KDM4B: variants seen among roughly 807,000 people sequenced by gnomAD.
KDM4B encodes lysine-specific demethylase 4B.
Under a neutral mutation model 125.2 loss-of-function variants are expected in KDM4B, and 32 were observed. That is an observed-to-expected ratio of 0.26 (90% CI 0.19 to 0.34). The LOEUF (loss-of-function observed/expected upper bound fraction) is 0.34. Ranked by LOEUF, KDM4B falls within the 10% of genes least tolerant of loss-of-function variation. KDM4B has a pLI of 1.00. For missense variants in KDM4B, 1,190 were observed against 1,577.7 expected (o/e 0.75, Z 4.16); for synonymous variants, 721 against 677.9 (o/e 1.06, Z -0.99).
At position 5,135,535 on chromosome 19, in the gene KDM4B, G is replaced by A; in HGVS notation, c.2282G>A (p.Gly761Asp). The A allele has an allele frequency of 6.2e-7, 1 of 1,604,700 alleles. No homozygotes were observed. Among genetic ancestry groups the A allele is most frequent in the Middle Eastern group, 1.7e-4 (1 of 6,056 alleles). ...GGGACCAGCCCCCTGATCGCCTGCG[G>A]CAAGTGCTGCCTGCAGGTCCATGCC... ...DDGTSPLIAC[G>D]KCCLQVHASC... Residue 761 changes from glycine to aspartate, a missense_variant, in exon 15 of 23, where the codon GGC (glycine) becomes GAC (aspartate). Coordinates refer to ENST00000159111, the MANE Select transcript of KDM4B (RefSeq NM_015015.3).
intron 1 of KDM4B, among the ~76,000 whole-genome samples, chr19:4,996,556 A>G (rs1376978654): frequency 7.2e-6 from 1 of 139,340 alleles, no homozygotes; most frequent in East Asian, 2.0e-4. Flanking sequence ...TTTTTTTTTT[A>G]GTAGTGACGC....
chr19:5,047,109 CAG>C (rs2037049765), intron 5 of KDM4B: 1 of 172,300 alleles, frequency 5.8e-6, no homozygotes, highest in African/African-American at 2.4e-5. Flanking sequence ...GCCTGGGCAA[CAG>C]AGTGAGACTT....
Position 5,063,682 on chromosome 19 carries a change from T to C in KDM4B, c.627-7328T>C, listed in dbSNP as rs76589767. Among the ~76,000 whole-genome samples, 975 of 152,356 alleles carry C rather than the reference T, an allele frequency of 6.4e-3. 5 individuals are homozygous for C. The highest frequency in any genetic ancestry group is 0.015 in the South Asian group (71 of 4,830). ...AGGGACCGTGGCTCTCTGGTCCTTGTGTCCCCAGTGCGGTGAATAGGTCCT... is the reference window on the plus strand; with the variant it reads ...AGGGACCGTGGCTCTCTGGTCCTTGCGTCCCCAGTGCGGTGAATAGGTCCT... On this transcript the variant is annotated intron_variant, in intron 6 of 22. Coordinates refer to ENST00000159111, the MANE Select transcript of KDM4B (RefSeq NM_015015.3).
At chr19:5,135,690 G>A in intron 15 of KDM4B, 129 bp downstream of exon 15, 1 of 767,606 alleles carries the variant, frequency 1.3e-6, no homozygotes, top group South Asian at 1.8e-5. Context: ...CACTTTCAGG[G>A]CCAGGGCAGG....
intron 20 of KDM4B, 141 bp from the exon 21 acceptor site, chr19:5,144,642 C>A: frequency 1.6e-6 from 2 of 1,266,540 alleles, no homozygotes; most frequent in Non-Finnish European, 1.1e-6. Context: ...CTGCACCGCC[C>A]CGCTACCCCG....
chr19:5,022,675 T>C (rs768728950), intron 2 of KDM4B, among the ~76,000 whole-genome samples: 7 of 152,012 alleles, frequency 4.6e-5, no homozygotes, highest in Non-Finnish European at 7.4e-5. Context: ...CCTCTTGGAG[T>C]GCCGCCTCTG....
intron 6 of KDM4B, among the ~76,000 whole-genome samples, chr19:5,051,108 G>A (rs1160805171): frequency 2.0e-5 from 3 of 152,146 alleles, no homozygotes; most frequent in Non-Finnish European, 2.9e-5. Flanking sequence ...ACGAGGCTGA[G>A]CGCAGTGTCG....
intron 8 of KDM4B, among the ~76,000 whole-genome samples, chr19:5,079,886 A>T (rs929719084): frequency 6.6e-6 from 1 of 151,894 alleles, no homozygotes; most frequent in Non-Finnish European, 1.5e-5. Flanking sequence ...GTTTTTTTTT[A>T]AAAAGCCCCA....
intron 1 of KDM4B, among the ~76,000 whole-genome samples, chr19:4,993,594 TTATCTC>T (rs1030237541): frequency 6.6e-6 from 1 of 152,124 alleles, no homozygotes; most frequent in Non-Finnish European, 1.5e-5. Flanking sequence ...ATGTCCCTCT[TTATCTC>T]TAGTAACTTT....
chr19:5,065,217 C>T (rs974196974), intron 6 of KDM4B, among the ~76,000 whole-genome samples: 42 of 152,330 alleles, frequency 2.8e-4, no homozygotes, highest in African/African-American at 1.0e-3. Context: ...GGGCCCGCCT[C>T]AGGCTGGGGC....
chr19:4,988,264 C>T (rs1178255005), intron 1 of KDM4B, among the ~76,000 whole-genome samples: 1 of 152,176 alleles, frequency 6.6e-6, no homozygotes, highest in Non-Finnish European at 1.5e-5. Context: ...AACCAGCCTT[C>T]TCATGAACCC....
intron 11 of KDM4B, among the ~76,000 whole-genome samples, chr19:5,120,109 C>T (rs755303315): frequency 6.6e-5 from 10 of 152,192 alleles, no homozygotes; most frequent in Admixed American, 2.6e-4. Flanking sequence ...GTAATCCTAG[C>T]ACTTTGGGAG....
At chr19:4,989,438 A>G (rs1280934033) in intron 1 of KDM4B, among the ~76,000 whole-genome samples, 3 of 151,852 alleles carry the variant, frequency 2.0e-5, no homozygotes, top group African/African-American at 4.8e-5. Flanking sequence ...CCCAGGTTCA[A>G]GCGATTCTCC....
chr19:5,081,088 G>A lies in KDM4B; in HGVS notation c.781-1279G>A, dbSNP rs1221429657. The A allele has an allele frequency of 6.6e-6, 1 of 152,200 alleles. No individual in the cohort carries two copies. The highest frequency in any genetic ancestry group is 1.5e-5 in the Non-Finnish European group (1 of 68,058). 9.4% of individuals were successfully genotyped at this position (152,200 alleles called of 1,614,324 possible). On this transcript the variant is annotated intron_variant, in intron 8 of 22. Transcript: ENST00000159111. The surrounding 1 kb of genome is among the most constrained non-coding windows in gnomAD (Gnocchi z 4.2). ...GGTGCCTGGGGGCCCGGCATGTTTT[G>A]TTCCTGTCTGGATCAGTGGTTACGC...
At chr19:5,105,618 G>A (rs575493802) in intron 9 of KDM4B, among the ~76,000 whole-genome samples, 4 of 152,250 alleles carry the variant, frequency 2.6e-5, no homozygotes, top group Admixed American at 1.3e-4. Flanking sequence ...ATAAATTTTT[G>A]TGGAGACAGC....
At chr19:5,143,454 C>T (rs1425512672) in intron 18 of KDM4B, among the ~76,000 whole-genome samples, 2 of 152,152 alleles carry the variant, frequency 1.3e-5, no homozygotes, top group African/African-American at 4.8e-5. Context: ...AAGAATGGGC[C>T]CCATTACCAG....
chr19:5,139,545 G>A (rs558819391), intron 18 of KDM4B, among the ~76,000 whole-genome samples: 48 of 152,322 alleles, frequency 3.2e-4, no homozygotes, highest in African/African-American at 1.1e-3. Flanking sequence ...CGCACCCCCC[G>A]GGTGCAGGGC....
intron 1 of KDM4B, among the ~76,000 whole-genome samples, chr19:5,011,017 A>T (rs1369739542): frequency 1.3e-5 from 2 of 152,168 alleles, no homozygotes; most frequent in Non-Finnish European, 2.9e-5. Flanking sequence ...GGGTTGTAAC[A>T]TGATGCTGTC....
chr19:5,057,768 A>G (rs1228900203), intron 6 of KDM4B, among the ~76,000 whole-genome samples: 1 of 152,226 alleles, frequency 6.6e-6, no homozygotes, highest in Non-Finnish European at 1.5e-5. Flanking sequence ...CCTTGAGGAC[A>G]GGGTGTGTCC....
Sources: allele counts gnomAD v4.1 joint callset (sites outside exome capture counted in the v4.1 genomes callset), GRCh38; gene constraint gnomAD v4.1.1; non-coding constraint Gnocchi (gnomAD v3.1); transcripts MANE v1.5; gene names NCBI Gene and HGNC (gene_info 2026-07-23, HGNC 2026-07-21).